Variants in RASEF observed in about 807,000 individuals in gnomAD.
The protein encoded by RASEF is RAS and EF-hand domain containing.
In RASEF, 68 loss-of-function variants were observed where a neutral mutation model predicts 90.1. The ratio of observed to expected loss-of-function variants is 0.75; its 90% confidence interval spans 0.62 to 0.92. The LOEUF (loss-of-function observed/expected upper bound fraction) is 0.92. RASEF is among the 40% of genes least tolerant of loss of function. The pLI is 0.00. For synonymous variants in RASEF, 331 were observed against 345.2 expected (o/e 0.96, Z 0.46); for missense variants, 949 against 937.2 (o/e 1.01, Z -0.16).
intron 3 of RASEF, among the ~76,000 whole-genome samples, chr9:83,021,669 G>T (rs924680667): frequency 6.6e-6 from 1 of 152,108 alleles, no homozygotes; most frequent in African/African-American, 2.4e-5. Context: ...CAGTGTAACA[G>T]CTCTTTACAA....
the RASEF span, among the ~76,000 whole-genome samples, chr9:83,088,305 TTA>T: frequency 6.6e-6 from 1 of 151,848 alleles, no homozygotes; most frequent in Non-Finnish European, 1.5e-5. Flanking sequence ...CTCTCTATAT[TTA>T]TATATCTAGA....
chr9:83,200,153 G>T, the RASEF span, among the ~76,000 whole-genome samples: 1 of 152,136 alleles, frequency 6.6e-6, no homozygotes, highest in Non-Finnish European at 1.5e-5. Context: ...GGCCAAGGCT[G>T]GTGTGTTTTT....
intron 3 of RASEF, among the ~76,000 whole-genome samples, chr9:83,019,270 T>TA (rs1829400145): frequency 3.3e-5 from 5 of 152,022 alleles, no homozygotes; most frequent in African/African-American, 7.2e-5. Context: ...TAGTAATTTT[T>TA]TAAAAAAAAC....
chr9:83,186,973 C>T, the RASEF span, among the ~76,000 whole-genome samples: 2 of 152,198 alleles, frequency 1.3e-5, no homozygotes, highest in South Asian at 4.2e-4. Flanking sequence ...AACCCAGAGC[C>T]TCGCCTGCTC....
At chr9:83,036,414 T>C (rs1408571805) in intron 1 of RASEF, among the ~76,000 whole-genome samples, 1 of 152,188 alleles carries the variant, frequency 6.6e-6, no homozygotes, top group African/African-American at 2.4e-5. Context: ...ATAGTGCACA[T>C]GAAATATGTA....
intron 8 of RASEF, among the ~76,000 whole-genome samples, chr9:83,005,042 T>C (rs982870078): frequency 2.6e-5 from 4 of 152,160 alleles, no homozygotes; most frequent in African/African-American, 9.6e-5. Flanking sequence ...TCCTTAAAGT[T>C]CCAAATGAGC....
chr9:83,181,269 C>T, the RASEF span, among the ~76,000 whole-genome samples: 1 of 151,680 alleles, frequency 6.6e-6, no homozygotes, highest in Non-Finnish European at 1.5e-5. Context: ...ATAAGAGTCA[C>T]TTAAAGAGAA....
At chr9:83,041,714 T>C (rs867425587) in intron 1 of RASEF, among the ~76,000 whole-genome samples, 1 of 152,204 alleles carries the variant, frequency 6.6e-6, no homozygotes, top group African/African-American at 2.4e-5. Flanking sequence ...GAAAGTTTAA[T>C]TATTTTTTCA....
At chr9:83,118,093 AC>A in the RASEF span, among the ~76,000 whole-genome samples, 41 of 152,320 alleles carry the variant, frequency 2.7e-4, 1 homozygote, top group East Asian at 7.9e-3. Context: ...ATAATGTAAT[AC>A]AAATAAGATA....
intron 1 of RASEF, among the ~76,000 whole-genome samples, chr9:83,059,439 A>G (rs1830167414): frequency 6.6e-6 from 1 of 152,146 alleles, no homozygotes; most frequent in Non-Finnish European, 1.5e-5. Flanking sequence ...ACTCTCTCTC[A>G]AAATGCAGAT....
intron 1 of RASEF, among the ~76,000 whole-genome samples, chr9:83,040,073 A>G (rs1427890318): frequency 6.6e-6 from 1 of 152,020 alleles, no homozygotes; most frequent in African/African-American, 2.4e-5. Flanking sequence ...TCCCCTACAC[A>G]CACTCTCTTG....
At chr9:83,176,664 T>C in the RASEF span, among the ~76,000 whole-genome samples, 1 of 151,892 alleles carries the variant, frequency 6.6e-6, no homozygotes, top group African/African-American at 2.4e-5. Context: ...GTGGTTATTT[T>C]AGTGTTTGCC....
chr9:83,160,399 G>A, the RASEF span, among the ~76,000 whole-genome samples: 2 of 152,178 alleles, frequency 1.3e-5, no homozygotes, highest in Admixed American at 6.5e-5. Context: ...TTTTAGCAGA[G>A]AGACTGGTAG....
chr9:83,184,788 T>C, the RASEF span, among the ~76,000 whole-genome samples: 1 of 152,098 alleles, frequency 6.6e-6, no homozygotes, highest in African/African-American at 2.4e-5. Context: ...CACCCTGTAA[T>C]GTCCAGTTTG....
At chr9:83,197,479 G>T in the RASEF span, among the ~76,000 whole-genome samples, 4 of 152,106 alleles carry the variant, frequency 2.6e-5, no homozygotes, top group South Asian at 2.1e-4. Flanking sequence ...CCTCTTCCTT[G>T]ATGGAGCTTA....
At chr9:83,032,531 A>G (rs902839810) in intron 1 of RASEF, among the ~76,000 whole-genome samples, 1 of 152,362 alleles carries the variant, frequency 6.6e-6, no homozygotes, top group East Asian at 1.9e-4. Context: ...AATATACCTA[A>G]TTTGTGTCTG....
At chr9:83,165,733 A>G in the RASEF span, among the ~76,000 whole-genome samples, 3 of 152,172 alleles carry the variant, frequency 2.0e-5, no homozygotes, top group Non-Finnish European at 4.4e-5. Flanking sequence ...TGAAAACTTC[A>G]GTACAATAGA....
At chr9:83,030,434 C>T (rs1829625679) in intron 1 of RASEF, among the ~76,000 whole-genome samples, 1 of 151,784 alleles carries the variant, frequency 6.6e-6, no homozygotes. Context: ...TTCAGAAGTA[C>T]ACATCTCAGT....
At chr9:83,138,907 TA>T in the RASEF span, among the ~76,000 whole-genome samples, 1 of 151,086 alleles carries the variant, frequency 6.6e-6, no homozygotes, top group Non-Finnish European at 1.5e-5. Context: ...CCTCCCAGAT[TA>T]AAAAAAAACA....
Sources: gnomAD v4.1 joint callset for allele counts (sites outside exome capture counted in the v4.1 genomes callset) on GRCh38, gnomAD v4.1.1 for gene constraint, MANE v1.5 for transcripts, NCBI Gene and HGNC (gene_info 2026-07-23, HGNC 2026-07-21) for gene names.